Variants in SEMA4B observed in about 807,000 individuals in gnomAD.
The protein encoded by SEMA4B is semaphorin 4B.
A neutral mutation model predicts 88.1 loss-of-function variants in SEMA4B; 55 were observed. The ratio of observed to expected loss-of-function variants is 0.62; its 90% CI spans 0.50 to 0.78. The LOEUF is 0.78. Ranked by LOEUF, SEMA4B falls within the 30% of genes least tolerant of loss-of-function variation. The pLI, the probability that SEMA4B is intolerant of heterozygous loss-of-function variation, is 0.00. For synonymous variants in SEMA4B, 525 were observed against 473.6 expected, an observed-to-expected ratio of 1.11 and a Z score of -1.41; for missense variants, 1,062 against 1,111.9, an observed-to-expected ratio of 0.96 and a Z score of 0.64.
intron 1 of SEMA4B, among the ~76,000 whole-genome samples, chr15:90,214,189 C>A (rs1051414646): frequency 1.3e-5 from 2 of 151,860 alleles, no homozygotes; most frequent in African/African-American, 4.8e-5. Flanking sequence ...ACTGAAAATA[C>A]AAAAATTAGC....
Position 90,201,437 on chromosome 15 carries a change from T to G in SEMA4B, c.-142T>G. ...TTTGCCAGGGCCCACTTGACCCTGT[T>G]TCCCACCTCCCGCCCCCCAGGTCCG... On this transcript the variant is annotated 5_prime_UTR_variant, in exon 1 of 14. Transcript: ENST00000411539. 7.7e-7 allele frequency: 1 copy of G among 1,296,866 alleles called. No homozygotes were observed. The allele number at this position is 1,296,866 out of a possible 1,614,324, so 80.3% of individuals were successfully genotyped here. A position where few individuals can be genotyped will look rare whatever the true frequency, so the allele number is the denominator to read the frequency against.
At position 90,193,530 on chromosome 15, in the gene SEMA4B, G is replaced by A. The variant is rs184916355; in HGVS notation, c.-121-7928G>A. 4 of 152,356 alleles carry A rather than the reference G, an allele frequency of 2.6e-5. No individual in the cohort carries two copies. The East Asian group carries it at 7.7e-4, about 29-fold the overall frequency. The allele number at this position is 152,356 out of a possible 1,614,324, so 9.4% of individuals were successfully genotyped here. On this transcript the variant is annotated intron_variant, in intron 1 of 14. Coordinates refer to the SEMA4B transcript ENST00000332496. The stretch of plus-strand genomic sequence containing the variant: ...AGGACTTGCTGCCCAGTCGACATAA[G>A]ACATATTGGAAGCATTTGAGCAGGA...
chr15:90,204,448 T>C (rs1159530998), intron 1 of SEMA4B, among the ~76,000 whole-genome samples: 1 of 152,086 alleles, frequency 6.6e-6, no homozygotes, highest in Non-Finnish European at 1.5e-5. Context: ...CTGGGGTGCT[T>C]AAGATGCAGG....
chr15:90,215,564 C>T (rs573154033), intron 1 of SEMA4B, among the ~76,000 whole-genome samples: 176 of 152,362 alleles, frequency 1.2e-3, no homozygotes, highest in African/African-American at 4.0e-3. Flanking sequence ...GTAATCCCAG[C>T]ACTTCGGGAG....
At position 90,221,469 on chromosome 15, in the gene SEMA4B, A is replaced by G. The variant is rs778545257; in HGVS notation, c.698A>G (p.Asn233Ser). Reference protein sequence around the residue: ...LRPTKTESSLNWLQDPAFVAS... With the variant: ...LRPTKTESSLSWLQDPAFVAS... ...CCCACCAAGACCGAGAGCTCCCTCA[A>G]CTGGCTGCAAGGTGAAGTCCTCTTG... Residue 233 changes from asparagine (N) to serine (S), a missense_variant, in exon 6 of 14, where the codon AAC becomes AGC. Coordinates refer to ENST00000411539, the MANE Select transcript of SEMA4B (RefSeq NM_198925.4). The G allele has an allele frequency of 6.3e-7, 1 of 1,595,416 alleles. No individual in the cohort carries two copies. Among genetic ancestry groups the G allele is most frequent in the Non-Finnish European group, 8.5e-7 (1 of 1,171,288 alleles).
intron 7 of SEMA4B, among the ~76,000 whole-genome samples, chr15:90,222,192 G>A (rs894002960): frequency 6.7e-6 from 1 of 149,302 alleles, no homozygotes; most frequent in Non-Finnish European, 1.5e-5. Flanking sequence ...CACCCACCTC[G>A]GCTTCCCAAA....
Position 90,216,651 on chromosome 15 carries a change from C to T in SEMA4B, c.158-788C>T, listed in dbSNP as rs11853502. ...TTGAGTTCAGGAGTTTGAGACCAGC[C>T]TGGCCAACATGGTGAAACCCCGTCT... is the stretch of plus-strand genomic sequence containing the variant. On this transcript the variant is annotated intron_variant, in intron 1 of 13. Coordinates refer to ENST00000411539, the MANE Select transcript of SEMA4B (RefSeq NM_198925.4). Among the ~76,000 whole-genome samples the T allele has an allele frequency of 8.9e-3, 1,356 of 152,258 alleles. 23 individuals are homozygous for T. The highest frequency in any genetic ancestry group is 0.031 in the African/African-American group (1,288 of 41,542).
chr15:90,216,783 G>A (rs767932878), intron 1 of SEMA4B, among the ~76,000 whole-genome samples: 22 of 152,174 alleles, frequency 1.4e-4, no homozygotes, highest in Admixed American at 1.3e-3. Flanking sequence ...GGTGGAGGTT[G>A]CAGTGAGCCA....
intron 3 of SEMA4B, 143 bp downstream of exon 3, chr15:90,217,972 GTT>G: frequency 1.5e-6 from 1 of 675,648 alleles, no homozygotes; most frequent in Non-Finnish European, 2.5e-6. Context: ...CCCGGCCTGG[GTT>G]TGAATCCCAG....
Position 90,201,662 on chromosome 15 carries a change from CCTG to C in SEMA4B, c.96_98del (p.Leu35del), listed in dbSNP as rs770362220. Reference sequence around the variant, plus strand: ...CGCCTCGGCCACCGCTGCTGCTGCTCCTGCTGCTGCTGCTCCTGCTGCAGCCGC... The same window carrying C: ...CGCCTCGGCCACCGCTGCTGCTGCTCCTGCTGCTGCTCCTGCTGCAGCCGC... On this transcript the variant is annotated inframe_deletion, in exon 1 of 14. Coordinates refer to ENST00000411539, the MANE Select transcript of SEMA4B (RefSeq NM_198925.4). 4.8e-5 allele frequency: 72 copies of C among 1,515,740 alleles called. No individual in the cohort carries two copies. Among genetic ancestry groups the C allele is most frequent in the Admixed American group, 2.4e-4 (12 of 49,802 alleles). 93.9% of individuals were successfully genotyped at this position (1,515,740 alleles called of 1,614,324 possible).
chr15:90,201,283 C>CCGGCCGGGCTCA (rs1347862536), upstream of SEMA4B: 1 of 1,105,230 alleles, frequency 9.0e-7, no homozygotes, highest in African/African-American at 1.6e-5. Flanking sequence ...AGGGGGCGGG[C>CCGGCCGGGCTCA]CGGCCGGGCT....
intron 4 of SEMA4B, among the ~76,000 whole-genome samples, chr15:90,220,549 C>T (rs1305444771): frequency 6.6e-6 from 1 of 151,432 alleles, no homozygotes; most frequent in East Asian, 2.0e-4. Flanking sequence ...TTCTATTTTT[C>T]GGTAGAGAGG....
At chr15:90,197,472 C>G (rs562514045), upstream of SEMA4B, among the ~76,000 whole-genome samples, 1 of 152,074 alleles carries the variant, frequency 6.6e-6, no homozygotes, top group Non-Finnish European at 1.5e-5. Context: ...GAGTCTCGCT[C>G]TGTCCCCCAG....
At chr15:90,224,075 G>A (rs1264633042) in intron 9 of SEMA4B, 87 bp downstream of exon 9, 3 of 1,326,240 alleles carry the variant, frequency 2.3e-6, no homozygotes, top group East Asian at 4.9e-5. Context: ...CCTAGCCTCG[G>A]GCAGATCACT....
At position 90,221,641 on chromosome 15, in the gene SEMA4B, T is replaced by C. The variant is rs770064270; in HGVS notation, c.737T>C (p.Ile246Thr). ...QDPAFVASAYIPESLGSLQGD... is the reference protein window; with the variant it reads ...QDPAFVASAYTPESLGSLQGD... ...CCAGCTTTTGTGGCCTCAGCCTACA[T>C]TCCTGAGAGCCTGGGCAGCTTGCAA... The change falls in exon 7 of 14, where the codon ATT becomes ACT. Residue 246 changes from isoleucine (I) to threonine (T), a missense_variant. Transcript: ENST00000411539. 6.2e-7 allele frequency: 1 copy of C among 1,614,060 alleles called. No individual in the cohort carries two copies. The highest frequency in any genetic ancestry group is 8.5e-7 in the Non-Finnish European group (1 of 1,179,898).
At chr15:90,188,950 T>A (rs1457169802) in intron 1 of SEMA4B, among the ~76,000 whole-genome samples, 1 of 152,160 alleles carries the variant, frequency 6.6e-6, no homozygotes, top group Non-Finnish European at 1.5e-5. Context: ...ATTATAGGCA[T>A]GAGCCACCGC....
At chr15:90,210,850 A>G (rs923299529) in intron 1 of SEMA4B, among the ~76,000 whole-genome samples, 1 of 151,904 alleles carries the variant, frequency 6.6e-6, no homozygotes, top group Non-Finnish European at 1.5e-5. Flanking sequence ...TGGAGGAGTG[A>G]GTGGAAGGTG....
chr15:90,201,210 C>T (rs920668519), upstream of SEMA4B: 29 of 651,306 alleles, frequency 4.5e-5, no homozygotes, highest in Non-Finnish European at 5.2e-5. Context: ...GGCTTGGCCC[C>T]TGCGGCAGCG....
intron 1 of SEMA4B, among the ~76,000 whole-genome samples, chr15:90,214,663 T>C (rs1371191391): frequency 6.9e-6 from 1 of 145,780 alleles, no homozygotes; most frequent in Non-Finnish European, 1.5e-5. Flanking sequence ...AAGGCTGAGC[T>C]TCCCCCAAAT....
Sources: allele counts gnomAD v4.1 joint callset (sites outside exome capture counted in the v4.1 genomes callset), GRCh38; gene constraint gnomAD v4.1.1; transcripts MANE v1.5; gene names NCBI Gene and HGNC (gene_info 2026-07-23, HGNC 2026-07-21).